ANKUB1: variants seen among roughly 807,000 people sequenced by gnomAD.
ANKUB1 encodes the protein protein ANKUB1.
In ANKUB1, 42 loss-of-function variants were observed where a neutral mutation model predicts 49.3. The observed-to-expected ratio is 0.85, with a 90% CI of 0.67 to 1.10. The LOEUF (loss-of-function observed/expected upper bound fraction) is 1.10, where lower values mean the gene tolerates loss of function less well. ANKUB1 is among the 50% of genes least tolerant of loss of function. The probability of loss-of-function intolerance (pLI) is 0.00; values close to 1 mark genes in which losing one functional copy is unlikely to be tolerated. For synonymous variants in ANKUB1, 222 were observed against 231.0 expected, an observed-to-expected ratio of 0.96 and a Z score of 0.35; for missense variants, 613 against 642.0, an observed-to-expected ratio of 0.95 and a Z score of 0.49.
chr3:149,784,569 C>T (rs144899819), intron 2 of ANKUB1, among the ~76,000 whole-genome samples: 2 of 152,282 alleles, frequency 1.3e-5, no homozygotes, highest in East Asian at 3.9e-4. Context: ...AGTTCTGGGG[C>T]GTGCTTTAGA....
chr3:149,792,121 T>C (rs1007850978), intron 1 of ANKUB1, among the ~76,000 whole-genome samples, 156 bp downstream of exon 1: 52 of 152,290 alleles, frequency 3.4e-4, no homozygotes, highest in Non-Finnish European at 2.5e-4. Context: ...TTCTTATAAA[T>C]CTATTGTGTA....
Position 149,780,001 on chromosome 3 carries a change from G to A in ANKUB1, c.451+238C>T, listed in dbSNP as rs536673732. 34 of 505,094 alleles carry A rather than the reference G, an allele frequency of 6.7e-5. No homozygotes were observed. In the South Asian group the frequency reaches 9.5e-4, roughly 14 times the overall value. 31.3% of individuals were successfully genotyped at this position (505,094 alleles called of 1,614,324 possible). On this transcript the variant is annotated intron_variant, in intron 3 of 5. Coordinates refer to ENST00000446160, the MANE Select transcript of ANKUB1 (RefSeq NM_001144960.3). Reference sequence around the variant, plus strand: ...AAACAATAATGGTTGCCTGTGAGGAGGGAACTAAGTGCTTGTAAGGCCAGG... The same window carrying A: ...AAACAATAATGGTTGCCTGTGAGGAAGGAACTAAGTGCTTGTAAGGCCAGG...
At chr3:149,764,840 C>T (rs185179879) in intron 5 of ANKUB1, among the ~76,000 whole-genome samples, 221 of 150,662 alleles carry the variant, frequency 1.5e-3, no homozygotes, top group Non-Finnish European at 2.2e-3. Context: ...TTAATAATTC[C>T]AATCCTTATG....
intron 2 of ANKUB1, among the ~76,000 whole-genome samples, chr3:149,781,144 A>C (rs1717851372): frequency 6.6e-6 from 1 of 152,048 alleles, no homozygotes; most frequent in African/African-American, 2.4e-5. Context: ...CTGTTTAAAA[A>C]GGGAAATACC....
At chr3:149,785,352 C>G (rs1451175852) in intron 2 of ANKUB1, among the ~76,000 whole-genome samples, 1 of 152,092 alleles carries the variant, frequency 6.6e-6, no homozygotes, top group African/African-American at 2.4e-5. Context: ...TGTTGGTGTG[C>G]TGCACCCATT....
chr3:149,791,034 G>C, intron 1 of ANKUB1, 110 bp from the exon 2 acceptor site: 2 of 1,108,648 alleles, frequency 1.8e-6, no homozygotes, highest in Non-Finnish European at 2.5e-6. Flanking sequence ...TAATTGTTTG[G>C]GACAAAGGGA....
intron 2 of ANKUB1, among the ~76,000 whole-genome samples, chr3:149,789,194 A>C (rs958245767): frequency 6.6e-6 from 1 of 152,216 alleles, no homozygotes; most frequent in Non-Finnish European, 1.5e-5. Flanking sequence ...GTCCTTAGTT[A>C]AATAAAAGTA....
intron 1 of ANKUB1, among the ~76,000 whole-genome samples, chr3:149,791,348 TA>T (rs1334599728): frequency 6.6e-6 from 1 of 152,240 alleles, no homozygotes; most frequent in Non-Finnish European, 1.5e-5. Context: ...ACTTGTTAGT[TA>T]ATGTGTTAAT....
chr3:149,782,653 C>T (rs1717920181), intron 2 of ANKUB1, among the ~76,000 whole-genome samples: 1 of 152,034 alleles, frequency 6.6e-6, no homozygotes, highest in Non-Finnish European at 1.5e-5. Context: ...CTCAAGCAAT[C>T]CTCCCACCTC....
chr3:149,788,487 A>G (rs1576684510), intron 2 of ANKUB1, among the ~76,000 whole-genome samples: 1 of 151,876 alleles, frequency 6.6e-6, no homozygotes, highest in East Asian at 1.9e-4. Flanking sequence ...ATAGATGTGC[A>G]CCACCACACC....
intron 3 of ANKUB1, among the ~76,000 whole-genome samples, chr3:149,772,204 A>G (rs1717397905): frequency 6.6e-6 from 1 of 152,062 alleles, no homozygotes; most frequent in Non-Finnish European, 1.5e-5. Context: ...TATGTTTAGT[A>G]GAGAAGGGGT....
intron 1 of ANKUB1, 87 bp from the exon 2 acceptor site, chr3:149,791,011 C>T: frequency 2.3e-6 from 3 of 1,324,724 alleles, no homozygotes; most frequent in Non-Finnish European, 3.0e-6. Context: ...ACATTTTTTT[C>T]CTCTGGGCAT....
At chr3:149,781,028 G>A (rs115711102) in intron 2 of ANKUB1, among the ~76,000 whole-genome samples, 2,060 of 114,504 alleles carry the variant, frequency 0.018, 51 homozygotes, top group African/African-American at 0.065. Flanking sequence ...GTCTCACTAT[G>A]ATGCCCAGGC....
chr3:149,761,314 G>C lies in ANKUB1; in HGVS notation c.*170C>G, dbSNP rs1297079768. 3 of 718,298 alleles carry C rather than the reference G, an allele frequency of 4.2e-6. No individual in the cohort carries two copies. Among genetic ancestry groups the C allele is most frequent in the Non-Finnish European group, 6.3e-6 (3 of 472,962 alleles). The allele number at this position is 718,298 out of a possible 1,614,324, so 44.5% of individuals were successfully genotyped here. On this transcript the variant is annotated 3_prime_UTR_variant, in exon 6 of 6. Coordinates refer to ENST00000446160, the MANE Select transcript of ANKUB1 (RefSeq NM_001144960.3). ...AAAAATAGCACTAAAGTTTCACTTA[G>C]TGTGATGAAGTCTGAGAAAACATGG...
rs779391565 is a variant in ANKUB1, at chr3:149,767,554, A to C, written c.1108T>G (p.Ser370Ala). The C allele has an allele frequency of 4.1e-5, 64 of 1,551,442 alleles. No individual in the cohort carries two copies. The highest frequency in any genetic ancestry group is 5.2e-5 in the Non-Finnish European group (60 of 1,146,972). The change falls in exon 5 of 6, where the codon TCA (serine) becomes GCA (alanine). Residue 370 changes from serine (S) to alanine (A), a missense_variant. Transcript: ENST00000446160. ...GGTAGCTTGAGCACGATGCTTTGTG[A>C]GTCGCTGTTCCCAGCCTTATGCCAG... ...KSWHKAGNSD[S>A]QSIVLKLPSL...
intron 2 of ANKUB1, among the ~76,000 whole-genome samples, chr3:149,782,259 A>C (rs1039833171): frequency 7.9e-5 from 12 of 151,300 alleles, no homozygotes; most frequent in African/African-American, 2.4e-4. Context: ...GTCACTCTTT[A>C]AAAAAAAAAT....
At chr3:149,777,764 A>G (rs890332318) in intron 3 of ANKUB1, among the ~76,000 whole-genome samples, 8 of 152,260 alleles carry the variant, frequency 5.3e-5, no homozygotes, top group African/African-American at 1.7e-4. Context: ...CCTTCCCTAC[A>G]TGCCTTCAGC....
intron 3 of ANKUB1, among the ~76,000 whole-genome samples, chr3:149,771,558 T>C (rs1717361613): frequency 6.6e-6 from 1 of 152,228 alleles, no homozygotes; most frequent in Non-Finnish European, 1.5e-5. Flanking sequence ...CATCACTACC[T>C]CCTCACCTTC....
Position 149,761,549 on chromosome 3 carries a change from T to A in ANKUB1, c.1570A>T (p.Ile524Phe), listed in dbSNP as rs1455212874. The A allele has an allele frequency of 6.4e-7, 1 of 1,551,464 alleles. No individual in the cohort carries two copies. The highest frequency in any genetic ancestry group is 8.7e-7 in the Non-Finnish European group (1 of 1,146,834). ...EIARVLAKKS[I>F]SNLTTRGGLT... ...CCTCCTCGGGTAGTCAAGTTAGAAATGCTCTTTTTGGCCAGGACTCTTGCT... is the reference window on the plus strand; with the variant it reads ...CCTCCTCGGGTAGTCAAGTTAGAAAAGCTCTTTTTGGCCAGGACTCTTGCT... Residue 524 changes from isoleucine (I) to phenylalanine (F), a missense_variant, in exon 6 of 6, where the codon ATT becomes TTT. Coordinates refer to ENST00000446160, the MANE Select transcript of ANKUB1 (RefSeq NM_001144960.3).
Sources: allele counts gnomAD v4.1 joint callset (sites outside exome capture counted in the v4.1 genomes callset), GRCh38; gene constraint gnomAD v4.1.1; transcripts MANE v1.5; gene names NCBI Gene and HGNC (gene_info 2026-07-23, HGNC 2026-07-21).